The following PALM2AKAP2 variants were observed in gnomAD, a reference collection of about 807,000 sequenced individuals.
PALM2AKAP2 encodes the protein PALM2 and AKAP2 fusion.
In PALM2AKAP2, 37 loss-of-function variants were observed where a neutral mutation model predicts 71.5. The ratio of observed to expected loss-of-function variants is 0.52; its 90% CI spans 0.40 to 0.68. The LOEUF is 0.68. Ranked by LOEUF, PALM2AKAP2 falls within the 30% of genes least tolerant of loss-of-function variation. The probability of loss-of-function intolerance (pLI) is 0.00; values close to 1 mark genes in which losing one functional copy is unlikely to be tolerated. For missense variants in PALM2AKAP2, 1,224 were observed against 1,191.8 expected (o/e 1.03, Z -0.40); for synonymous variants, 468 against 478.8 (o/e 0.98, Z 0.29).
intron 6 of PALM2AKAP2, among the ~76,000 whole-genome samples, chr9:109,977,189 A>G (rs1797505257): frequency 6.6e-6 from 1 of 152,226 alleles, no homozygotes; most frequent in African/African-American, 2.4e-5. Flanking sequence ...AGCAACAGCA[A>G]TAGTACTGTC....
rs10980097 is a variant in PALM2AKAP2, at chr9:109,866,875, A to G, written c.46-616A>G. Among the ~76,000 whole-genome samples the G allele has an allele frequency of 9.2e-3, 1,402 of 152,260 alleles. 84 individuals are homozygous for G. The East Asian group carries it at 0.17, about 19-fold the overall frequency. ...CAGACAGATTCCAGATTTCATATTT[A>G]TCGTAACCTCAGCTGCCCCACCCAC... On this transcript the variant is annotated intron_variant, in intron 1 of 9. Coordinates refer to the PALM2AKAP2 transcript ENST00000302798.
chr9:109,931,992 C>G, exon 6 of PALM2AKAP2: 1 of 1,614,092 alleles, frequency 6.2e-7, no homozygotes, highest in Non-Finnish European at 8.5e-7. Context: ...AACAGCAGAA[C>G]CATCACCTGG....
intron 1 of PALM2AKAP2, among the ~76,000 whole-genome samples, chr9:109,757,274 A>T (rs1453285687): frequency 6.6e-6 from 1 of 152,070 alleles, no homozygotes; most frequent in Non-Finnish European, 1.5e-5. Flanking sequence ...CAGTTCCATC[A>T]CATTGCTTCA....
chr9:109,877,476 A>G (rs1445627865), intron 2 of PALM2AKAP2, among the ~76,000 whole-genome samples: 1 of 152,156 alleles, frequency 6.6e-6, no homozygotes, highest in Non-Finnish European at 1.5e-5. Flanking sequence ...TGAGGATAGT[A>G]TGAAAGGGCC....
At chr9:109,792,861 T>C (rs1827155055) in intron 1 of PALM2AKAP2, among the ~76,000 whole-genome samples, 1 of 152,224 alleles carries the variant, frequency 6.6e-6, no homozygotes, top group Non-Finnish European at 1.5e-5. Flanking sequence ...ATATTTATAT[T>C]AAAATATTAT....
chr9:110,125,213 C>T (rs1270987112), intron 1 of PALM2AKAP2, among the ~76,000 whole-genome samples: 3 of 152,170 alleles, frequency 2.0e-5, no homozygotes. Context: ...CTGCTTGTCC[C>T]AGGGCCCACC....
chr9:109,919,156 C>T (rs543978330), intron 3 of PALM2AKAP2, among the ~76,000 whole-genome samples: 3 of 152,334 alleles, frequency 2.0e-5, no homozygotes, highest in African/African-American at 2.4e-5. Flanking sequence ...TTAGAATCCC[C>T]TGTAGTGCCT....
chr9:110,139,530 C>T (rs2119122063), intron 2 of PALM2AKAP2, among the ~76,000 whole-genome samples: 1 of 152,242 alleles, frequency 6.6e-6, no homozygotes, highest in East Asian at 1.9e-4. Flanking sequence ...ACTATTGCTT[C>T]ATAATGGACT....
chr9:109,808,941 G>A (rs1057016900), intron 1 of PALM2AKAP2, among the ~76,000 whole-genome samples: 1 of 152,248 alleles, frequency 6.6e-6, no homozygotes, highest in Non-Finnish European at 1.5e-5. Context: ...CTTCCACATG[G>A]TGTTGAGCCT....
At chr9:109,712,925 TGGTCCTA>T (rs1828263156) in intron 1 of PALM2AKAP2, among the ~76,000 whole-genome samples, 1 of 152,252 alleles carries the variant, frequency 6.6e-6, no homozygotes, top group South Asian at 2.1e-4. Context: ...ATGCAACATT[TGGTCCTA>T]GTCCTGCTTT....
At chr9:110,126,033 G>A (rs1432882903) in intron 1 of PALM2AKAP2, among the ~76,000 whole-genome samples, 1 of 152,102 alleles carries the variant, frequency 6.6e-6, no homozygotes, top group Non-Finnish European at 1.5e-5. Context: ...GTGGTCTACA[G>A]CTAGCCTTCT....
chr9:110,095,013 C>T (rs903489381), intron 1 of PALM2AKAP2, among the ~76,000 whole-genome samples: 2 of 152,218 alleles, frequency 1.3e-5, no homozygotes, highest in African/African-American at 4.8e-5. Flanking sequence ...TCACTTCTGA[C>T]CATTACATTT....
At chr9:109,653,177 C>T (rs1279680948) in intron 1 of PALM2AKAP2, among the ~76,000 whole-genome samples, 1 of 152,166 alleles carries the variant, frequency 6.6e-6, no homozygotes, top group Non-Finnish European at 1.5e-5. Context: ...TGCCTGCCCC[C>T]TTGAGGAATC....
intron 1 of PALM2AKAP2, among the ~76,000 whole-genome samples, chr9:110,078,348 T>C (rs572041777): frequency 3.2e-4 from 48 of 152,360 alleles, no homozygotes; most frequent in African/African-American, 1.0e-3. Context: ...TGGCATGTAG[T>C]AGGTATTTGG....
At chr9:109,789,666 G>C (rs1017129234) in intron 1 of PALM2AKAP2, among the ~76,000 whole-genome samples, 2 of 152,140 alleles carry the variant, frequency 1.3e-5, no homozygotes, top group Admixed American at 6.5e-5. Context: ...TAGGGGATGG[G>C]CCACACAGCA....
intron 6 of PALM2AKAP2, among the ~76,000 whole-genome samples, chr9:109,990,548 T>C (rs1451857028): frequency 6.6e-6 from 1 of 152,222 alleles, no homozygotes; most frequent in Non-Finnish European, 1.5e-5. Context: ...AAGCAGGGTC[T>C]CAGGGCAGAG....
chr9:110,054,598 G>C (rs769638786), intron 1 of PALM2AKAP2, among the ~76,000 whole-genome samples: 2 of 151,852 alleles, frequency 1.3e-5, no homozygotes, highest in African/African-American at 4.8e-5. Flanking sequence ...TTTGAAACAG[G>C]GTCTCACTCT....
intron 6 of PALM2AKAP2, among the ~76,000 whole-genome samples, chr9:109,977,135 T>G (rs1407718944): frequency 3.9e-5 from 6 of 152,142 alleles, no homozygotes; most frequent in Admixed American, 3.9e-4. Flanking sequence ...ATGCTGCTGG[T>G]CCTGGGACCA....
At chr9:110,082,048 T>G (rs1256064117) in intron 1 of PALM2AKAP2, among the ~76,000 whole-genome samples, 1 of 152,144 alleles carries the variant, frequency 6.6e-6, no homozygotes, top group African/African-American at 2.4e-5. Context: ...TTCATACTTT[T>G]CTGAATATAT....
Sources: gnomAD v4.1 joint callset for allele counts (sites outside exome capture counted in the v4.1 genomes callset) on GRCh38, gnomAD v4.1.1 for gene constraint, MANE v1.5 for transcripts, NCBI Gene and HGNC (gene_info 2026-07-23, HGNC 2026-07-21) for gene names.